LRP1B: variants seen among roughly 807,000 people sequenced by gnomAD.
LRP1B encodes low-density lipoprotein receptor-related protein 1B.
Under a neutral mutation model 556.6 loss-of-function variants are expected in LRP1B, and 217 were observed. That is an observed-to-expected ratio of 0.39 (90% CI 0.35 to 0.44). The LOEUF is 0.44. LRP1B is among the 20% of genes least tolerant of loss of function. The probability of loss-of-function intolerance (pLI) is 1.00; values close to 1 mark genes in which losing one functional copy is unlikely to be tolerated. For missense variants in LRP1B, 5,053 were observed against 5,620.8 expected (o/e 0.90, Z 3.23); for synonymous variants, 2,047 against 1,865.8 (o/e 1.10, Z -2.50).
At position 141,247,244 on chromosome 2, in the gene LRP1B, A is replaced by T. The variant is rs748674447; in HGVS notation, c.574T>A (p.Ser192Thr). 1 of 1,613,764 alleles carries T rather than the reference A, an allele frequency of 6.2e-7. No individual in the cohort carries two copies. Among genetic ancestry groups the T allele is most frequent in the Admixed American group, 1.7e-5 (1 of 59,976 alleles). Residue 192 changes from serine (S) to threonine (T), a missense_variant, in exon 5 of 91, where the codon TCT becomes ACT. Physicochemically the swap from Ser to Thr is moderately conservative, Grantham distance 58. Coordinates refer to ENST00000389484, the MANE Select transcript of LRP1B (RefSeq NM_018557.3). ...AACTTACCAATTTTAGCCTTGCAAG[A>T]TCTGTTGTCTGGCTGCATTAGGTAG... ...EGYLMQPDNRSCKAKIEPTDR... is the reference protein window; with the variant it reads ...EGYLMQPDNRTCKAKIEPTDR...
At chr2:141,292,294 G>A (rs1573764013) in intron 3 of LRP1B, among the ~76,000 whole-genome samples, 2 of 152,254 alleles carry the variant, frequency 1.3e-5, no homozygotes, top group East Asian at 1.9e-4. Flanking sequence ...TACCAAAAAT[G>A]TTGGGGACCA....
At chr2:141,096,650 G>GAA (rs2104926351) in intron 7 of LRP1B, among the ~76,000 whole-genome samples, 1 of 113,432 alleles carries the variant, frequency 8.8e-6, no homozygotes, top group African/African-American at 3.2e-5. Context: ...GAGAGAGAGA[G>GAA]AGAGAGAGAG....
intron 3 of LRP1B, among the ~76,000 whole-genome samples, chr2:141,471,268 A>ATGTTTTTTGTTTTTTTTT (rs1553518973): frequency 3.1e-5 from 1 of 31,902 alleles, no homozygotes; most frequent in African/African-American, 7.3e-5. Flanking sequence ...ATACCCTGGT[A>ATGTTTTTTGTTTTTTTTT]TTTTTTTTTT....
Position 140,475,385 on chromosome 2 carries a change from C to A in LRP1B, c.9426-48G>T, listed in dbSNP as rs1462637773. 3.6e-6 allele frequency: 5 copies of A among 1,388,348 alleles called. No homozygotes were observed. The African/African-American group carries it at 5.7e-5, about 16-fold the overall frequency. The allele number at this position is 1,388,348 out of a possible 1,614,324, so 86.0% of individuals were successfully genotyped here. Reference sequence around the variant, plus strand: ...ATTTTGTTTACAGATTCTCTGGGAGCAAAACAACAAACAATATATTACTTT... The same window carrying A: ...ATTTTGTTTACAGATTCTCTGGGAGAAAAACAACAAACAATATATTACTTT... On this transcript the variant is annotated intron_variant, in intron 59 of 90. Coordinates refer to ENST00000389484, the MANE Select transcript of LRP1B (RefSeq NM_018557.3).
chr2:141,250,203 G>T (rs973828056), intron 4 of LRP1B, among the ~76,000 whole-genome samples: 1 of 152,124 alleles, frequency 6.6e-6, no homozygotes, highest in East Asian at 1.9e-4. Flanking sequence ...GTCTTTTGGT[G>T]TTCATAAAGA....
At chr2:140,588,612 T>C (rs1472859562) in intron 43 of LRP1B, among the ~76,000 whole-genome samples, 1 of 152,184 alleles carries the variant, frequency 6.6e-6, no homozygotes, top group African/African-American at 2.4e-5. Context: ...AACCCCAATA[T>C]AGACACCTAC....
chr2:140,495,864 TTC>T lies in LRP1B; in HGVS notation c.8851-118_8851-117del, dbSNP rs1489368835. On this transcript the variant is annotated intron_variant, in intron 55 of 90. Coordinates refer to ENST00000389484, the MANE Select transcript of LRP1B (RefSeq NM_018557.3). ...TTTGAAAATAGATAAAGGCAAGTCT[TTC>T]TGTCTCCCAGCATTTGACCTTTGAT... The T allele has an allele frequency of 3.5e-5, 27 of 776,010 alleles. No homozygotes were observed. The African/African-American group carries it at 4.1e-4, about 12-fold the overall frequency. 48.1% of individuals were successfully genotyped at this position (776,010 alleles called of 1,614,324 possible). A position where few individuals can be genotyped will look rare whatever the true frequency, so the allele number is the denominator to read the frequency against.
chr2:140,966,086 G>A (rs189130462), intron 18 of LRP1B, among the ~76,000 whole-genome samples: 3,847 of 152,136 alleles, frequency 0.025, 77 homozygotes, highest in South Asian at 0.035. Flanking sequence ...GGGATGGCTG[G>A]GTCAAATGGT....
chr2:142,023,549 C>T (rs1238506318), intron 1 of LRP1B, among the ~76,000 whole-genome samples: 5 of 152,222 alleles, frequency 3.3e-5, no homozygotes, highest in Non-Finnish European at 7.3e-5. Flanking sequence ...AATACTCACA[C>T]AAGGTCAATA....
At chr2:142,064,840 TAAG>T (rs1705049163) in intron 1 of LRP1B, among the ~76,000 whole-genome samples, 1 of 151,570 alleles carries the variant, frequency 6.6e-6, no homozygotes, top group Admixed American at 6.6e-5. Flanking sequence ...TTCTGAAAGA[TAAG>T]AAAGGTTGGC....
chr2:141,195,034 T>G (rs1681694381), intron 6 of LRP1B, among the ~76,000 whole-genome samples: 1 of 152,130 alleles, frequency 6.6e-6, no homozygotes, highest in South Asian at 2.1e-4. Flanking sequence ...ACTCCTCCTT[T>G]TAAGAGATGA....
At chr2:141,216,398 C>T (rs1294530967) in intron 6 of LRP1B, among the ~76,000 whole-genome samples, 1 of 152,176 alleles carries the variant, frequency 6.6e-6, no homozygotes, top group African/African-American at 2.4e-5. Flanking sequence ...CATGCAGAAG[C>T]CTGATGCAGA....
At chr2:140,355,636 G>A (rs775602040) in intron 75 of LRP1B, among the ~76,000 whole-genome samples, 2 of 151,830 alleles carry the variant, frequency 1.3e-5, no homozygotes, top group African/African-American at 4.8e-5. Context: ...ATTTAGCCTG[G>A]ATAAGCCAGA....
intron 41 of LRP1B, among the ~76,000 whole-genome samples, chr2:140,660,193 C>T (rs61483483): frequency 0.078 from 11,775 of 151,704 alleles, 574 homozygotes; most frequent in African/African-American, 0.13. Flanking sequence ...TTTAAAGTAA[C>T]TTTTTCTGGG....
chr2:141,722,729 C>CATACATAGATAG (rs774959056), intron 2 of LRP1B, among the ~76,000 whole-genome samples: 6 of 145,978 alleles, frequency 4.1e-5, no homozygotes, highest in South Asian at 2.2e-4. Context: ...CAGATAGATA[C>CATACATAGATAG]ATAGATAGAT....
chr2:141,225,323 A>G (rs532171530), intron 6 of LRP1B, among the ~76,000 whole-genome samples: 1 of 152,320 alleles, frequency 6.6e-6, no homozygotes, highest in East Asian at 1.9e-4. Flanking sequence ...GAAAGTGTTT[A>G]CTGTGCAGCT....
chr2:141,329,638 T>G (rs1206127892), intron 3 of LRP1B, among the ~76,000 whole-genome samples: 1 of 32,950 alleles, frequency 3.0e-5, no homozygotes, highest in Non-Finnish European at 6.8e-5. Flanking sequence ...AGCGAGACTC[T>G]GTCTCAAAAA....
At chr2:141,662,669 G>T (rs1182405651) in intron 2 of LRP1B, among the ~76,000 whole-genome samples, 1 of 152,030 alleles carries the variant, frequency 6.6e-6, no homozygotes, top group Non-Finnish European at 1.5e-5. Flanking sequence ...GGAGCACCGA[G>T]ATTCATAAAA....
rs745935726 is a variant in LRP1B, at chr2:141,124,204, G to GAAATTGATA, written c.1014-61932_1014-61931insTATCAATTT. 5.5e-4 allele frequency among the ~76,000 whole-genome samples: 84 copies of GAAATTGATA among 152,176 alleles called. 2 individuals are homozygous for GAAATTGATA. The South Asian group carries it at 0.01, about 19-fold the overall frequency. ...CCAGAATTGATAGTGAAATAAAGTA[G>GAAATTGATA]GTGATCTCACCAAATTTAGGAAATT... On this transcript the variant is annotated intron_variant, in intron 7 of 90. Coordinates refer to ENST00000389484, the MANE Select transcript of LRP1B (RefSeq NM_018557.3).
Sources: gnomAD v4.1 joint callset for allele counts (sites outside exome capture counted in the v4.1 genomes callset) on GRCh38, gnomAD v4.1.1 for gene constraint, MANE v1.5 for transcripts, NCBI Gene and HGNC (gene_info 2026-07-23, HGNC 2026-07-21) for gene names.